FANCI: variants seen among roughly 807,000 people sequenced by gnomAD.
The protein encoded by FANCI is FA complementation group I.
FANCI carries 156 observed loss-of-function variants against 176.1 expected under a neutral mutation model. That is an observed-to-expected ratio of 0.89 (90% CI 0.78 to 1.01). The LOEUF is 1.01. Ranked by LOEUF, FANCI falls within the 50% of genes least tolerant of loss-of-function variation. The probability of loss-of-function intolerance (pLI) is 0.00; values close to 1 mark genes in which losing one functional copy is unlikely to be tolerated. For synonymous variants in FANCI, 613 were observed against 541.7 expected (o/e 1.13, Z -1.83); for missense variants, 1,678 against 1,534.1 (o/e 1.09, Z -1.57).
chr15:89,293,671 T>C (rs942777543), intron 22 of FANCI, among the ~76,000 whole-genome samples, 162 bp from the exon 23 acceptor site: 1 of 152,182 alleles, frequency 6.6e-6, no homozygotes, highest in Non-Finnish European at 1.5e-5. Context: ...CCCAGATAGA[T>C]TGCTGTGACC....
intron 13 of FANCI, 24 bp from the exon 14 acceptor site, chr15:89,278,663 T>C: frequency 6.3e-7 from 1 of 1,589,126 alleles, no homozygotes; most frequent in Non-Finnish European, 8.6e-7. Flanking sequence ...CCCAGGAATA[T>C]TTTATTTATT....
intron 14 of FANCI, among the ~76,000 whole-genome samples, chr15:89,280,429 A>G (rs1441122469): frequency 6.6e-6 from 1 of 152,178 alleles, no homozygotes. Context: ...TCACCCCAGC[A>G]TCATTGATTT....
chr15:89,316,444 G>T lies in FANCI; in HGVS notation c.3972G>T (p.Lys1324Asn), dbSNP rs776908468. The T allele has an allele frequency of 8.1e-6, 13 of 1,611,048 alleles. No individual in the cohort carries two copies. Among genetic ancestry groups the T allele is most frequent in the Non-Finnish European group, 1.1e-5 (13 of 1,178,170 alleles). ...HGGQNKEPAKKKRKK is the reference protein window; with the variant it reads ...HGGQNKEPAKNKRKK ...GACAGAACAAAGAACCAGCCAAGAAGAAAAGGAAAAAATAAATGAAATGCC... is the reference window on the plus strand; with the variant it reads ...GACAGAACAAAGAACCAGCCAAGAATAAAAGGAAAAAATAAATGAAATGCC... Residue 1324 changes from lysine to asparagine, a missense_variant, in exon 38 of 38, where the codon AAG (lysine) becomes AAT (asparagine). Physicochemically the swap from Lys to Asn is moderately conservative, Grantham distance 94. Transcript: ENST00000310775.
At chr15:89,248,284 C>T (rs1449557255) in intron 2 of FANCI, among the ~76,000 whole-genome samples, 1 of 152,094 alleles carries the variant, frequency 6.6e-6, no homozygotes, top group East Asian at 1.9e-4. Context: ...CTCCTTTTTC[C>T]ATAAGTGATC....
intron 11 of FANCI, 28 bp downstream of exon 11, chr15:89,273,497 C>G (rs748925759): frequency 4.7e-5 from 27 of 576,218 alleles, no homozygotes; most frequent in Admixed American, 2.6e-4. Context: ...CATTTTGTTT[C>G]TTTCTGTAGT....
At chr15:89,307,286 CATTACTT>C (rs1450487021) in intron 32 of FANCI, among the ~76,000 whole-genome samples, 183 bp from the exon 33 acceptor site, 2 of 152,206 alleles carry the variant, frequency 1.3e-5, no homozygotes, top group Non-Finnish European at 2.9e-5. Flanking sequence ...ACAAACCCTT[CATTACTT>C]ATTGTCTGGG....
chr15:89,307,733 G>A, intron 34 of FANCI, 61 bp downstream of exon 34: 1 of 1,613,818 alleles, frequency 6.2e-7, no homozygotes. Flanking sequence ...ACATGCCCAG[G>A]GGACTATTGA....
At chr15:89,258,598 C>G (rs1001085961) in intron 2 of FANCI, 106 bp from the exon 3 acceptor site, 12 of 857,310 alleles carry the variant, frequency 1.4e-5, no homozygotes, top group Middle Eastern at 4.4e-4. Context: ...CTTGGCGTCT[C>G]TGAATGATCT....
chr15:89,311,320 G>C (rs1406682416), intron 34 of FANCI, among the ~76,000 whole-genome samples: 1 of 152,164 alleles, frequency 6.6e-6, no homozygotes, highest in East Asian at 1.9e-4. Context: ...TCGGGAAGCT[G>C]AGGCAGGAGA....
chr15:89,267,800 G>A (rs1596256787), intron 9 of FANCI, among the ~76,000 whole-genome samples: 1 of 152,110 alleles, frequency 6.6e-6, no homozygotes, highest in African/African-American at 2.4e-5. Context: ...AGTGGCACAT[G>A]CCTGTAGTCC....
chr15:89,252,449 C>T (rs1243734453), intron 2 of FANCI, among the ~76,000 whole-genome samples: 1 of 152,010 alleles, frequency 6.6e-6, no homozygotes, highest in Non-Finnish European at 1.5e-5. Flanking sequence ...AAATCAGTAG[C>T]ATTCATACAT....
intron 34 of FANCI, among the ~76,000 whole-genome samples, chr15:89,312,136 T>A (rs539321701): frequency 6.6e-6 from 1 of 152,302 alleles, no homozygotes; most frequent in African/African-American, 2.4e-5. Context: ...AAATAAAATA[T>A]ATCTGGTGAT....
intron 1 of FANCI, chr15:89,244,304 T>G (rs1279233203): frequency 2.0e-5 from 3 of 152,480 alleles, no homozygotes; most frequent in Non-Finnish European, 4.4e-5. Context: ...TCTGAGAAAT[T>G]TCCCTTAACC....
At chr15:89,286,245 G>A (rs146126422) in intron 18 of FANCI, among the ~76,000 whole-genome samples, 249 of 152,178 alleles carry the variant, frequency 1.6e-3, no homozygotes, top group African/African-American at 5.1e-3. Flanking sequence ...CACCTGTCTC[G>A]GCATCCCAAA....
Position 89,316,555 on chromosome 15 carries a change from G to A in FANCI, c.*96G>A. On this transcript the variant is annotated 3_prime_UTR_variant, in exon 38 of 38. Coordinates refer to ENST00000310775, the MANE Select transcript of FANCI (RefSeq NM_001113378.2). ...TTGTCCTGTAGTCCACACCGATGTT[G>A]GCATCTTGGTTCTGAACCCACTGAA... 1 of 1,331,014 alleles carries A rather than the reference G, an allele frequency of 7.5e-7. No individual in the cohort carries two copies. Among genetic ancestry groups the A allele is most frequent in the South Asian group, 1.2e-5 (1 of 80,600 alleles). 82.5% of individuals were successfully genotyped at this position (1,331,014 alleles called of 1,614,324 possible). A position where few individuals can be genotyped will look rare whatever the true frequency, so the allele number is the denominator to read the frequency against.
chr15:89,245,356 TTTTTTTTTTTTTTTG>T (rs2051914218), intron 1 of FANCI: 1 of 131,510 alleles, frequency 7.6e-6, no homozygotes, highest in African/African-American at 3.0e-5. Flanking sequence ...TTTTTTTTTT[TTTTTTTTTTTTTTTG>T]TATTTTTAGT....
At chr15:89,302,839 C>G (rs979024695) in intron 27 of FANCI, among the ~76,000 whole-genome samples, 2 of 152,138 alleles carry the variant, frequency 1.3e-5, no homozygotes, top group African/African-American at 2.4e-5. Flanking sequence ...TCCCAAAGTG[C>G]TGGGATTACA....
intron 1 of FANCI, among the ~76,000 whole-genome samples, chr15:89,247,116 G>A (rs1323388842): frequency 1.3e-5 from 2 of 150,398 alleles, no homozygotes; most frequent in East Asian, 3.9e-4. Context: ...TGTTGCCTAG[G>A]CTGGAGTACT....
At chr15:89,255,745 G>A (rs888785076) in intron 2 of FANCI, among the ~76,000 whole-genome samples, 2 of 152,176 alleles carry the variant, frequency 1.3e-5, no homozygotes, top group Non-Finnish European at 2.9e-5. Context: ...TGAGGTAACA[G>A]GGATACTTAA....
Sources: gnomAD v4.1 joint callset for allele counts (sites outside exome capture counted in the v4.1 genomes callset) on GRCh38, gnomAD v4.1.1 for gene constraint, MANE v1.5 for transcripts, NCBI Gene and HGNC (gene_info 2026-07-23, HGNC 2026-07-21) for gene names.